The following AGBL4 variants were observed in gnomAD, a reference collection of about 807,000 sequenced individuals.
The protein encoded by AGBL4 is AGBL carboxypeptidase 4.
AGBL4 carries 58 observed loss-of-function variants against 66.4 expected under a neutral mutation model. The observed-to-expected ratio is 0.87, with a 90% CI of 0.71 to 1.09. AGBL4 has a LOEUF of 1.09. Ranked by LOEUF, AGBL4 falls within the 50% of genes least tolerant of loss-of-function variation. The pLI is 0.00. For missense variants in AGBL4, 579 were observed against 631.0 expected, an observed-to-expected ratio of 0.92 and a Z score of 0.88; for synonymous variants, 234 against 222.9, an observed-to-expected ratio of 1.05 and a Z score of -0.44.
intron 3 of AGBL4, among the ~76,000 whole-genome samples, chr1:49,299,671 C>G (rs893740794): frequency 1.3e-5 from 2 of 152,150 alleles, no homozygotes; most frequent in African/African-American, 4.8e-5. Flanking sequence ...CCCATACTTA[C>G]AATGTTACAT....
At chr1:48,766,933 C>A (rs1644560678) in intron 6 of AGBL4, among the ~76,000 whole-genome samples, 1 of 152,174 alleles carries the variant, frequency 6.6e-6, no homozygotes, top group Admixed American at 6.5e-5. Context: ...ATGATAAGAA[C>A]CCAACCAAAA....
chr1:49,474,980 A>G (rs1646818122), intron 3 of AGBL4, among the ~76,000 whole-genome samples: 1 of 152,044 alleles, frequency 6.6e-6, no homozygotes, highest in Non-Finnish European at 1.5e-5. Flanking sequence ...TACGTTGAAT[A>G]GTAGTGGTGA....
intron 1 of AGBL4, among the ~76,000 whole-genome samples, chr1:50,021,284 G>A (rs772144786): frequency 6.6e-6 from 1 of 151,998 alleles, no homozygotes; most frequent in Non-Finnish European, 1.5e-5. Context: ...TTCATCCCAG[G>A]CCTCTTCTCC....
intron 6 of AGBL4, among the ~76,000 whole-genome samples, chr1:48,849,150 T>A (rs773953173): frequency 6.6e-6 from 1 of 152,216 alleles, no homozygotes; most frequent in Non-Finnish European, 1.5e-5. Flanking sequence ...GAATGGGTCA[T>A]CCTTTGCAAG....
chr1:49,060,740 C>A (rs1426006093), intron 4 of AGBL4, among the ~76,000 whole-genome samples: 1 of 152,084 alleles, frequency 6.6e-6, no homozygotes, highest in Non-Finnish European at 1.5e-5. Context: ...GAAAATAGGA[C>A]AATATAGAGC....
At chr1:49,753,021 C>T (rs964325097) in intron 2 of AGBL4, among the ~76,000 whole-genome samples, 4 of 152,142 alleles carry the variant, frequency 2.6e-5, no homozygotes, top group African/African-American at 7.2e-5. Context: ...ACCCTTTATC[C>T]AATTTGCCAG....
intron 1 of AGBL4, among the ~76,000 whole-genome samples, chr1:49,901,279 A>G (rs1292099595): frequency 6.6e-6 from 1 of 152,202 alleles, no homozygotes; most frequent in Admixed American, 6.5e-5. Flanking sequence ...ACATGATTCC[A>G]TATCTAGAAA....
At chr1:49,117,267 T>C (rs1645545382) in intron 4 of AGBL4, among the ~76,000 whole-genome samples, 1 of 152,216 alleles carries the variant, frequency 6.6e-6, no homozygotes. Context: ...CCATTGCTTT[T>C]GGTGTTTTAG....
At position 49,282,305 on chromosome 1, in the gene AGBL4, A is replaced by G. The variant is rs1041495199; in HGVS notation, c.283-36441T>C. Among the ~76,000 whole-genome samples, 14 of 152,070 alleles carry G rather than the reference A, an allele frequency of 9.2e-5. No homozygotes were observed. The East Asian group carries it at 2.5e-3, about 27-fold the overall frequency. ...TCTAAAGTCCATGCTTTTTTGTTTT[A>G]CACTATGATAACTCAAATGAAGAGA... is the stretch of plus-strand genomic sequence containing the variant. On this transcript the variant is annotated intron_variant, in intron 3 of 13. Coordinates refer to ENST00000371839, the MANE Select transcript of AGBL4 (RefSeq NM_032785.4).
At position 48,539,727 on chromosome 1, in the gene AGBL4, C is replaced by T; in HGVS notation, c.1279G>A (p.Gly427Arg). The T allele has an allele frequency of 6.5e-7, 1 of 1,539,702 alleles. No individual in the cohort carries two copies. Among genetic ancestry groups the T allele is most frequent in the Non-Finnish European group, 8.8e-7 (1 of 1,138,854 alleles). The change falls in exon 12 of 14, where the codon GGG becomes AGG. Residue 427 changes from glycine (G) to arginine (R), a missense_variant. Coordinates refer to ENST00000371839, the MANE Select transcript of AGBL4 (RefSeq NM_032785.4). ...AAAAAGGTTCTTGCCACATTCCGCC[C>T]CAGCTTCATATCTGCAGGTGTGTGC... is the stretch of plus-strand genomic sequence containing the variant. ...PYTEEAYMKL[G>R]RNVARTFLDY...
chr1:49,610,865 G>A (rs1645142530), intron 3 of AGBL4, among the ~76,000 whole-genome samples: 1 of 152,150 alleles, frequency 6.6e-6, no homozygotes, highest in South Asian at 2.1e-4. Flanking sequence ...ACCTAGTCTA[G>A]CATATCACTC....
At chr1:49,782,757 C>T (rs769796871) in intron 2 of AGBL4, among the ~76,000 whole-genome samples, 1 of 152,092 alleles carries the variant, frequency 6.6e-6, no homozygotes, top group Non-Finnish European at 1.5e-5. Context: ...TATGAAAGGA[C>T]AAGTTCAGTT....
rs138708397 is a variant in AGBL4, at chr1:50,003,931, C to T, written c.34+19832G>A. On this transcript the variant is annotated intron_variant, in intron 1 of 13. Transcript: ENST00000371839. The stretch of plus-strand genomic sequence containing the variant: ...TCCCACAGGAACACCAAATGAACAA[C>T]TATCCACACAAAAAAGCACCTTAAT... Among the ~76,000 whole-genome samples, 9 of 152,270 alleles carry T rather than the reference C, an allele frequency of 5.9e-5. No individual in the cohort carries two copies. The East Asian group carries it at 1.7e-3, about 29-fold the overall frequency.
At chr1:48,827,244 C>A (rs1646446404) in intron 6 of AGBL4, among the ~76,000 whole-genome samples, 1 of 152,196 alleles carries the variant, frequency 6.6e-6, no homozygotes, top group Admixed American at 6.5e-5. Context: ...TGCATCTTTA[C>A]TGACTAGAGC....
intron 1 of AGBL4, among the ~76,000 whole-genome samples, chr1:49,901,002 T>C (rs1649712569): frequency 6.6e-6 from 1 of 152,238 alleles, no homozygotes. Context: ...TATAGTGATG[T>C]AGTGTAACAA....
rs566806214 is a variant in AGBL4 at position 48,700,057 on chromosome 1, G to T, written c.635-36816C>A. 2.6e-4 allele frequency among the ~76,000 whole-genome samples: 39 copies of T among 152,108 alleles called. 1 individual carries two copies. Among genetic ancestry groups the T allele is most frequent in the African/African-American group, 9.4e-4 (39 of 41,536 alleles). On this transcript the variant is annotated intron_variant, in intron 6 of 13. Transcript: ENST00000371839. ...GCCTCCCAAAGTGCTGGGATCATAG[G>T]CATGAGCCACTGCACCCGGATGTTA...
intron 6 of AGBL4, among the ~76,000 whole-genome samples, chr1:48,812,851 A>G (rs1337245676): frequency 2.0e-5 from 3 of 152,068 alleles, no homozygotes; most frequent in Non-Finnish European, 4.4e-5. Flanking sequence ...TCAGCAAACT[A>G]TCGCAAGGAC....
At chr1:49,483,270 A>G (rs1050143605) in intron 3 of AGBL4, among the ~76,000 whole-genome samples, 5 of 152,078 alleles carry the variant, frequency 3.3e-5, no homozygotes, top group Admixed American at 3.3e-4. Flanking sequence ...ATCTTAACCA[A>G]AGAAGTAAAT....
At position 48,590,867 on chromosome 1, in the gene AGBL4, T is replaced by A; in HGVS notation, c.1070A>T (p.Lys357Met). ...GTCCTCAGCATTCTGGCAGAGGAGC[T>A]TGGGAAAAATGGCCTGCCTCTGGAA... is the stretch of plus-strand genomic sequence containing the variant. ...ERFQRQAIFPKLLCQNAEDFS... is the reference protein window; with the variant it reads ...ERFQRQAIFPMLLCQNAEDFS... Residue 357 changes from lysine to methionine, a missense_variant, in exon 10 of 14, where the codon AAG becomes ATG. By Grantham distance (95) the Lys-to-Met change is moderately conservative. Coordinates refer to ENST00000371839, the MANE Select transcript of AGBL4 (RefSeq NM_032785.4). 6.2e-7 allele frequency: 1 copy of A among 1,605,278 alleles called. No individual in the cohort carries two copies. Among genetic ancestry groups the A allele is most frequent in the Non-Finnish European group, 8.5e-7 (1 of 1,175,918 alleles).
Sources: allele counts gnomAD v4.1 joint callset (sites outside exome capture counted in the v4.1 genomes callset), GRCh38; gene constraint gnomAD v4.1.1; transcripts MANE v1.5; gene names NCBI Gene and HGNC (gene_info 2026-07-23, HGNC 2026-07-21).